The following AGBL1 variants were observed in gnomAD, a reference collection of about 807,000 sequenced individuals.
AGBL1 encodes cytosolic carboxypeptidase 4.
In AGBL1, 130 loss-of-function variants were observed where a neutral mutation model predicts 118.9. That is an observed-to-expected ratio of 1.09 (90% CI 0.95 to 1.26). AGBL1 has a LOEUF of 1.26. Ranked by LOEUF, AGBL1 falls within the 50% of genes most tolerant of loss-of-function variation. The probability of loss-of-function intolerance (pLI) is 0.00; values close to 1 mark genes in which losing one functional copy is unlikely to be tolerated. For synonymous variants in AGBL1, 555 were observed against 478.9 expected, an observed-to-expected ratio of 1.16 and a Z score of -2.08; for missense variants, 1,584 against 1,298.1, an observed-to-expected ratio of 1.22 and a Z score of -3.38.
intron 23 of AGBL1, among the ~76,000 whole-genome samples, chr15:86,964,409 C>G (rs765172645): frequency 2.0e-5 from 3 of 151,836 alleles, no homozygotes; most frequent in African/African-American, 4.8e-5. Flanking sequence ...ACCACTACCC[C>G]CACTGTGATA....
intron 22 of AGBL1, among the ~76,000 whole-genome samples, chr15:86,805,442 C>A (rs1179379606): frequency 3.3e-5 from 5 of 152,120 alleles, no homozygotes; most frequent in African/African-American, 1.2e-4. Flanking sequence ...TCAGTACTGC[C>A]AACCACTCAG....
rs1336231559 is a variant in AGBL1, at chr15:86,943,498, T to C, written c.3222-44489T>C. 5.3e-5 allele frequency among the ~76,000 whole-genome samples: 8 copies of C among 152,276 alleles called. No individual in the cohort carries two copies. The East Asian group carries it at 1.5e-3, about 29-fold the overall frequency. On this transcript the variant is annotated intron_variant, in intron 23 of 24. Transcript: ENST00000441037. ...AGGGTTTTACAGACGACCTTGAGGATGTGGTGTCTGATTTACATAGGGCAC... is the reference window on the plus strand; with the variant it reads ...AGGGTTTTACAGACGACCTTGAGGACGTGGTGTCTGATTTACATAGGGCAC...
At chr15:86,208,599 A>G (rs1422718416) in intron 5 of AGBL1, among the ~76,000 whole-genome samples, 1 of 152,066 alleles carries the variant, frequency 6.6e-6, no homozygotes, top group Non-Finnish European at 1.5e-5. Flanking sequence ...TTTCTAGTTT[A>G]TTTGTGTAGA....
intron 18 of AGBL1, among the ~76,000 whole-genome samples, chr15:86,438,373 T>C (rs2082023340): frequency 6.6e-6 from 1 of 152,220 alleles, no homozygotes; most frequent in South Asian, 2.1e-4. Flanking sequence ...TCTGAGCAGA[T>C]TGGAATACTC....
chr15:86,202,060 A>G (rs2077916088), intron 5 of AGBL1, among the ~76,000 whole-genome samples: 1 of 152,190 alleles, frequency 6.6e-6, no homozygotes, highest in South Asian at 2.1e-4. Context: ...TTGGGAGACC[A>G]AGTGGGTGGA....
chr15:87,003,928 T>C lies in AGBL1; in HGVS notation c.3323+15840T>C, dbSNP rs187633980. Among the ~76,000 whole-genome samples, 362 of 148,844 alleles carry C rather than the reference T, an allele frequency of 2.4e-3. 2 individuals are homozygous for C. The highest frequency in any genetic ancestry group is 8.9e-3 in the African/African-American group (344 of 38,656). ...TTCAAAAAACCAGCTCCTGGATTCA[T>C]TGATTTTTTTGAAGGGTTTTTTGTG... On this transcript the variant is annotated intron_variant, in intron 24 of 24. Transcript: ENST00000441037.
intron 23 of AGBL1, among the ~76,000 whole-genome samples, chr15:86,949,991 C>A (rs1332864505): frequency 6.6e-6 from 1 of 151,748 alleles, no homozygotes; most frequent in Admixed American, 6.6e-5. Context: ...AAATCAATAA[C>A]AAAAAGTAAA....
intron 19 of AGBL1, among the ~76,000 whole-genome samples, chr15:86,545,666 AT>A (rs777249508): frequency 4.0e-5 from 6 of 151,892 alleles, no homozygotes; most frequent in Non-Finnish European, 8.8e-5. Flanking sequence ...CCTTGTTCCT[AT>A]TTTCTTTTCC....
At chr15:86,810,761 GC>G (rs1434202077) in intron 22 of AGBL1, among the ~76,000 whole-genome samples, 2 of 152,090 alleles carry the variant, frequency 1.3e-5, no homozygotes, top group Non-Finnish European at 2.9e-5. Flanking sequence ...TTAAATTTCA[GC>G]TTTTGTCTCT....
At position 86,981,605 on chromosome 15, in the gene AGBL1, T is replaced by C. The variant is rs78413093; in HGVS notation, c.3222-6382T>C. ...TATAAACCTTTGACATAGATTTTGATTGTTTTTCGTCACAGAAATGCAGAA... is the reference window on the plus strand; with the variant it reads ...TATAAACCTTTGACATAGATTTTGACTGTTTTTCGTCACAGAAATGCAGAA... On this transcript the variant is annotated intron_variant, in intron 23 of 24. Coordinates refer to the AGBL1 transcript ENST00000441037. 3.1e-3 allele frequency among the ~76,000 whole-genome samples: 469 copies of C among 152,344 alleles called. 2 individuals carry two copies. The highest frequency in any genetic ancestry group is 0.01 in the African/African-American group (434 of 41,582).
In AGBL1 at chr15:86,827,402, T is replaced by C. The variant is rs28645235; in HGVS notation, c.3159-79685T>C. 7.1e-3 allele frequency among the ~76,000 whole-genome samples: 59 copies of C among 8,336 alleles called. 8 individuals are homozygous for C. Among genetic ancestry groups the C allele is most frequent in the African/African-American group, 0.062 (57 of 914 alleles). The allele number at this position is 8,336 out of a possible 152,430, so 5.5% of individuals were successfully genotyped here. A position where few individuals can be genotyped will look rare whatever the true frequency, so the allele number is the denominator to read the frequency against. On this transcript the variant is annotated intron_variant, in intron 22 of 22. Transcript: ENST00000614907. Reference sequence around the variant, plus strand: ...ATATATACACATATATATATACATATATATATGTGTATATATATATATATA... The same window carrying C: ...ATATATACACATATATATATACATACATATATGTGTATATATATATATATA...
intron 21 of AGBL1, among the ~76,000 whole-genome samples, chr15:86,650,034 C>T (rs903865469): frequency 2.0e-5 from 3 of 152,146 alleles, no homozygotes; most frequent in African/African-American, 7.2e-5. Flanking sequence ...AAGTATCATT[C>T]AGCATTCTTT....
intron 19 of AGBL1, among the ~76,000 whole-genome samples, chr15:86,534,398 T>G (rs920797743): frequency 4.6e-5 from 7 of 152,214 alleles, no homozygotes; most frequent in Non-Finnish European, 1.0e-4. Flanking sequence ...TATTCTTTCC[T>G]CAAAGAATCT....
At chr15:86,718,330 T>C (rs1020294249) in intron 22 of AGBL1, among the ~76,000 whole-genome samples, 1 of 152,128 alleles carries the variant, frequency 6.6e-6, no homozygotes, top group South Asian at 2.1e-4. Flanking sequence ...TAGGTGGGAA[T>C]TGAACAAGGA....
At chr15:86,719,318 C>T (rs966774502) in intron 22 of AGBL1, among the ~76,000 whole-genome samples, 4 of 152,138 alleles carry the variant, frequency 2.6e-5, no homozygotes, top group African/African-American at 7.2e-5. Flanking sequence ...CAGTTTTCTG[C>T]TGCCTCCAAG....
chr15:86,534,695 C>G (rs935982819), intron 19 of AGBL1, among the ~76,000 whole-genome samples: 3 of 152,094 alleles, frequency 2.0e-5, no homozygotes, highest in African/African-American at 7.2e-5. Context: ...GTAACTAAAA[C>G]CAAAACTAAA....
chr15:86,734,512 G>C (rs948222656), intron 22 of AGBL1, among the ~76,000 whole-genome samples: 1 of 152,070 alleles, frequency 6.6e-6, no homozygotes, highest in Non-Finnish European at 1.5e-5. Context: ...CTGTGCCTCA[G>C]GTCTGCAAGA....
chr15:86,966,735 T>C (rs181335962), intron 23 of AGBL1, among the ~76,000 whole-genome samples: 9 of 152,152 alleles, frequency 5.9e-5, no homozygotes, highest in Admixed American at 5.9e-4. Flanking sequence ...TTGCTGGACA[T>C]TTGGCTTGGT....
At chr15:86,938,104 C>T (rs569854997) in intron 23 of AGBL1, among the ~76,000 whole-genome samples, 31 of 152,304 alleles carry the variant, frequency 2.0e-4, no homozygotes, top group East Asian at 1.7e-3. Flanking sequence ...CATTCCAAGG[C>T]ATGATTGTGC....
Sources: allele counts gnomAD v4.1 joint callset (sites outside exome capture counted in the v4.1 genomes callset), GRCh38; gene constraint gnomAD v4.1.1; transcripts MANE v1.5; gene names NCBI Gene and HGNC (gene_info 2026-07-23, HGNC 2026-07-21).